The following SHISA6 variants were observed in gnomAD, a reference collection of about 807,000 sequenced individuals.
SHISA6 encodes shisa family member 6.
In SHISA6, 22 loss-of-function variants were observed where a neutral mutation model predicts 47.9. The observed-to-expected ratio is 0.46, with a 90% CI of 0.33 to 0.66. The LOEUF is 0.66. Ranked by LOEUF, SHISA6 falls within the 30% of genes least tolerant of loss-of-function variation. The pLI, the probability that SHISA6 is intolerant of heterozygous loss-of-function variation, is 0.02. For missense variants in SHISA6, 680 were observed against 764.6 expected (o/e 0.89, Z 1.30); for synonymous variants, 388 against 337.8 (o/e 1.15, Z -1.63).
intron 3 of SHISA6, among the ~76,000 whole-genome samples, chr17:11,473,876 T>C (rs1458371263): frequency 6.6e-6 from 1 of 152,116 alleles, no homozygotes. Context: ...CCCACATACA[T>C]TAGGTATTTG....
intron 2 of SHISA6, among the ~76,000 whole-genome samples, chr17:11,278,214 A>G (rs962356497): frequency 6.6e-6 from 1 of 152,088 alleles, no homozygotes; most frequent in Non-Finnish European, 1.5e-5. Context: ...ACTCCTGGAG[A>G]GATTAGTGAA....
intron 2 of SHISA6, among the ~76,000 whole-genome samples, chr17:11,271,944 C>T (rs895965759): frequency 5.9e-5 from 9 of 152,092 alleles, no homozygotes; most frequent in Non-Finnish European, 8.8e-5. Flanking sequence ...TTCACCCTCA[C>T]GTAGGATGAG....
chr17:11,300,260 A>G (rs9910261), intron 2 of SHISA6, among the ~76,000 whole-genome samples: 3,483 of 152,194 alleles, frequency 0.023, 148 homozygotes, highest in African/African-American at 0.079. Context: ...TCTGTTTACC[A>G]CAATACCCGA....
At chr17:11,387,990 T>G (rs1421773846) in intron 3 of SHISA6, among the ~76,000 whole-genome samples, 1 of 152,090 alleles carries the variant, frequency 6.6e-6, no homozygotes, top group Non-Finnish European at 1.5e-5. Context: ...AAATTAGGCC[T>G]TTTCTCCTAG....
rs537435256 is a variant in SHISA6 at position 11,325,169 on chromosome 17, G to A, written c.800-54245G>A. On this transcript the variant is annotated intron_variant, in intron 2 of 5. Coordinates refer to ENST00000441885, the MANE Select transcript of SHISA6 (RefSeq NM_207386.4). Reference sequence around the variant, plus strand: ...CCCCAGATGGAAATGATAAACTTGGGGGCACATCCAGGCGGGCCCAAAAGT... The same window carrying A: ...CCCCAGATGGAAATGATAAACTTGGAGGCACATCCAGGCGGGCCCAAAAGT... Among the ~76,000 whole-genome samples the A allele has an allele frequency of 2.6e-5, 4 of 152,268 alleles. No individual in the cohort carries two copies. In the East Asian group the frequency reaches 7.7e-4, roughly 29 times the overall value.
intron 3 of SHISA6, among the ~76,000 whole-genome samples, chr17:11,380,709 T>C (rs763405790): frequency 1.3e-5 from 2 of 152,234 alleles, no homozygotes; most frequent in Non-Finnish European, 2.9e-5. Flanking sequence ...ACATAGTTCC[T>C]GTGGGTTGGG....
chr17:11,268,030 C>T (rs950490019), intron 2 of SHISA6, among the ~76,000 whole-genome samples: 2 of 152,154 alleles, frequency 1.3e-5, no homozygotes, highest in African/African-American at 4.8e-5. Context: ...ACCTCACCCC[C>T]TCCTAAAGAG....
rs1332765351 is a variant in SHISA6, at chr17:11,379,513, C to A, written c.895+4C>A. On this transcript the variant is annotated splice_donor_region_variant and intron_variant, in intron 3 of 5. Transcript: ENST00000441885. ...TTAGGAAGAGGACACACCAAGGGTA[C>A]AGTGGAAACCATTTTTTACTAAAAT... is the stretch of plus-strand genomic sequence containing the variant. 6.6e-7 allele frequency: 1 copy of A among 1,525,558 alleles called. No individual in the cohort carries two copies. Among genetic ancestry groups the A allele is most frequent in the Non-Finnish European group, 8.8e-7 (1 of 1,132,886 alleles). The allele number at this position is 1,525,558 out of a possible 1,614,324, so 94.5% of individuals were successfully genotyped here. A position where few individuals can be genotyped will look rare whatever the true frequency, so the allele number is the denominator to read the frequency against.
At chr17:11,334,543 G>A (rs532231079) in intron 2 of SHISA6, among the ~76,000 whole-genome samples, 4 of 152,296 alleles carry the variant, frequency 2.6e-5, no homozygotes, top group African/African-American at 4.8e-5. Flanking sequence ...CCAGGAGAGC[G>A]CTAGACATGC....
In SHISA6 at chr17:11,350,196, T is replaced by TTTTTTTTTTC. The variant is rs1369301126; in HGVS notation, c.800-29217_800-29216insTTTTTTTTCT. ...TTTATTTATTTATTTTTTTTTTTTT[T>TTTTTTTTTTC]TGAGACGGAGTCTCGCTCTGTCGCC... On this transcript the variant is annotated intron_variant, in intron 2 of 5. Coordinates refer to ENST00000441885, the MANE Select transcript of SHISA6 (RefSeq NM_207386.4). Among the ~76,000 whole-genome samples the TTTTTTTTTTC allele has an allele frequency of 1.9e-3, 266 of 139,902 alleles. 1 individual carries two copies. The highest frequency in any genetic ancestry group is 6.6e-3 in the African/African-American group (240 of 36,444). The allele number at this position is 139,902 out of a possible 152,430, so 91.8% of individuals were successfully genotyped here. A position where few individuals can be genotyped will look rare whatever the true frequency, so the allele number is the denominator to read the frequency against.
At chr17:11,422,763 CAAAA>C (rs36035486) in intron 3 of SHISA6, among the ~76,000 whole-genome samples, 5 of 125,416 alleles carry the variant, frequency 4.0e-5, no homozygotes, top group Admixed American at 8.1e-5. Flanking sequence ...GACTCTGTCT[CAAAA>C]AAAAAAAAAA....
At chr17:11,448,658 C>A (rs932705240) in intron 3 of SHISA6, among the ~76,000 whole-genome samples, 3 of 151,350 alleles carry the variant, frequency 2.0e-5, no homozygotes, top group African/African-American at 7.3e-5. Context: ...GAAACCTGAT[C>A]TCTACTAAAA....
intron 2 of SHISA6, among the ~76,000 whole-genome samples, chr17:11,267,843 C>T (rs1041428869): frequency 1.3e-5 from 2 of 152,184 alleles, no homozygotes; most frequent in Non-Finnish European, 2.9e-5. Context: ...TGAAAGGAGA[C>T]CCCTGGGCAA....
intron 3 of SHISA6, among the ~76,000 whole-genome samples, chr17:11,524,812 T>C (rs898876030): frequency 6.6e-6 from 1 of 152,220 alleles, no homozygotes; most frequent in Admixed American, 6.5e-5. Context: ...TTCTCTATAA[T>C]TTCTGAATGT....
intron 2 of SHISA6, among the ~76,000 whole-genome samples, chr17:11,316,413 CTCTCTCTTT>C (rs1274356005): frequency 6.4e-4 from 56 of 87,798 alleles, no homozygotes; most frequent in African/African-American, 1.1e-3. Flanking sequence ...CTCTCTCTCT[CTCTCTCTTT>C]TTTTTTTTTT....
intron 3 of SHISA6, among the ~76,000 whole-genome samples, chr17:11,383,864 G>A (rs573960188): frequency 1.2e-4 from 19 of 152,096 alleles, no homozygotes; most frequent in African/African-American, 4.3e-4. Context: ...TATTTTCTTC[G>A]TTAATTAGAC....
chr17:11,266,229 T>A (rs1304736796), intron 2 of SHISA6, among the ~76,000 whole-genome samples: 3 of 151,830 alleles, frequency 2.0e-5, no homozygotes, highest in East Asian at 3.9e-4. Flanking sequence ...ATTGTAGGAG[T>A]ATGGTAGTAA....
At chr17:11,321,964 C>T (rs1910731050) in intron 2 of SHISA6, among the ~76,000 whole-genome samples, 1 of 152,024 alleles carries the variant, frequency 6.6e-6, no homozygotes, top group African/African-American at 2.4e-5. Flanking sequence ...CCCAGGAAAG[C>T]CAAAAGATTG....
intron 2 of SHISA6, among the ~76,000 whole-genome samples, chr17:11,279,810 AGAAAGAGG>A (rs11278666): frequency 0.46 from 68,808 of 150,936 alleles, 15,857 homozygotes; most frequent in Non-Finnish European, 0.51. Context: ...AAAGAGAGAG[AGAAAGAGG>A]GAGAGAGAGA....
Sources: allele counts gnomAD v4.1 joint callset (sites outside exome capture counted in the v4.1 genomes callset), GRCh38; gene constraint gnomAD v4.1.1; transcripts MANE v1.5; gene names NCBI Gene and HGNC (gene_info 2026-07-23, HGNC 2026-07-21).